The following NAA35 variants were observed in gnomAD, a reference collection of about 807,000 sequenced individuals.
The protein encoded by NAA35 is MAK10 homolog, amino-acid N-acetyltransferase subunit.
Under a neutral mutation model 101.7 loss-of-function variants are expected in NAA35, and 18 were observed. The observed-to-expected ratio is 0.18, with a 90% CI of 0.12 to 0.26. NAA35 has a LOEUF of 0.26. Ranked by LOEUF, NAA35 falls within the 10% of genes least tolerant of loss-of-function variation. The pLI, the probability that NAA35 is intolerant of heterozygous loss-of-function variation, is 1.00. For missense variants in NAA35, 601 were observed against 886.8 expected, an observed-to-expected ratio of 0.68 and a Z score of 4.09; for synonymous variants, 267 against 273.1, an observed-to-expected ratio of 0.98 and a Z score of 0.22.
intron 6 of NAA35, among the ~76,000 whole-genome samples, chr9:85,973,127 G>T (rs915554949): frequency 6.6e-6 from 1 of 152,146 alleles, no homozygotes; most frequent in Non-Finnish European, 1.5e-5. Flanking sequence ...TGTGGGAGCC[G>T]TGAGAGGAGA....
chr9:85,980,911 T>C (rs912770711), intron 11 of NAA35, among the ~76,000 whole-genome samples: 1 of 152,148 alleles, frequency 6.6e-6, no homozygotes, highest in Non-Finnish European at 1.5e-5. Flanking sequence ...TACCCAGTTG[T>C]CAGTCTTGTA....
intron 21 of NAA35, among the ~76,000 whole-genome samples, chr9:86,020,160 G>T (rs1832453354): frequency 6.6e-6 from 1 of 152,162 alleles, no homozygotes; most frequent in African/African-American, 2.4e-5. Context: ...AGAATTGGTA[G>T]TTTTGTTTCC....
intron 17 of NAA35, among the ~76,000 whole-genome samples, chr9:86,015,130 C>T (rs1356875249): frequency 1.3e-5 from 2 of 151,862 alleles, no homozygotes; most frequent in Non-Finnish European, 2.9e-5. Context: ...CTAATGGGAC[C>T]TTTGTTCTTG....
chr9:85,958,389 A>G, intron 3 of NAA35, 83 bp from the exon 4 acceptor site: 10 of 734,846 alleles, frequency 1.4e-5, no homozygotes, highest in Non-Finnish European at 4.5e-6. Flanking sequence ...TATTAAAAGT[A>G]GTATAATTTT....
chr9:86,016,195 G>A (rs1000714418), intron 17 of NAA35, among the ~76,000 whole-genome samples: 2 of 151,822 alleles, frequency 1.3e-5, no homozygotes, highest in African/African-American at 2.4e-5. Flanking sequence ...ATATAATGCC[G>A]ATAATTTTTT....
At chr9:86,001,976 T>G (rs1831434892) in intron 12 of NAA35, among the ~76,000 whole-genome samples, 1 of 152,182 alleles carries the variant, frequency 6.6e-6, no homozygotes, top group African/African-American at 2.4e-5. Flanking sequence ...TCTGTGTGTT[T>G]AAGTGTGTTT....
chr9:85,943,132 A>G (rs1307890192), intron 2 of NAA35, among the ~76,000 whole-genome samples: 1 of 152,200 alleles, frequency 6.6e-6, no homozygotes, highest in Non-Finnish European at 1.5e-5. Context: ...TTCAATAAAT[A>G]GGAGTAAATG....
At chr9:86,020,500 A>C (rs568624009) in intron 21 of NAA35, among the ~76,000 whole-genome samples, 23 of 152,178 alleles carry the variant, frequency 1.5e-4, no homozygotes, top group Non-Finnish European at 3.4e-4. Flanking sequence ...GCTTTTATTT[A>C]ATAAAACATC....
At chr9:85,953,204 C>T (rs961283904) in intron 2 of NAA35, among the ~76,000 whole-genome samples, 2 of 151,022 alleles carry the variant, frequency 1.3e-5, no homozygotes, top group African/African-American at 4.9e-5. Flanking sequence ...CAGAGTGAGA[C>T]CTGCCTCAAG....
intron 2 of NAA35, among the ~76,000 whole-genome samples, chr9:85,955,374 T>TC (rs2118326410): frequency 1.5e-5 from 2 of 131,524 alleles, no homozygotes; most frequent in Admixed American, 1.5e-4. Context: ...TTTTTTTTTT[T>TC]TTTCTTCAGA....
chr9:86,019,786 G>T (rs1440667875), intron 21 of NAA35, among the ~76,000 whole-genome samples: 3 of 152,210 alleles, frequency 2.0e-5, no homozygotes, highest in Non-Finnish European at 2.9e-5. Context: ...TTAATGCTTA[G>T]AGTCAGCAAT....
In NAA35 at chr9:85,972,303, C is replaced by T. The variant is rs181720550; in HGVS notation, c.517-2664C>T. On this transcript the variant is annotated intron_variant, in intron 6 of 22. Coordinates refer to ENST00000361671, the MANE Select transcript of NAA35 (RefSeq NM_024635.4). ...GGTGGATCACTTGAGCTTAGGAGTT[C>T]GAGACCAGCCTGGACAACATGGCGA... 2.0e-3 allele frequency among the ~76,000 whole-genome samples: 303 copies of T among 151,740 alleles called. 5 individuals are homozygous for T. In the South Asian group the frequency reaches 0.033, roughly 16 times the overall value.
chr9:85,955,963 T>C (rs1829257445), intron 2 of NAA35, among the ~76,000 whole-genome samples: 1 of 152,202 alleles, frequency 6.6e-6, no homozygotes, highest in Non-Finnish European at 1.5e-5. Context: ...ACACTGTTAC[T>C]GGAACAAAAG....
chr9:86,010,981 G>A (rs1388935253), intron 15 of NAA35, among the ~76,000 whole-genome samples: 2 of 151,462 alleles, frequency 1.3e-5, no homozygotes, highest in South Asian at 2.1e-4. Context: ...GGTGGCTCAC[G>A]CCTGTAATCC....
chr9:85,954,025 T>G (rs897390625), intron 2 of NAA35, among the ~76,000 whole-genome samples: 1 of 152,212 alleles, frequency 6.6e-6, no homozygotes, highest in Admixed American at 6.5e-5. Context: ...TTTTCAACTT[T>G]TCTGGGTATA....
At position 85,996,383 on chromosome 9, in the gene NAA35, AT is replaced by A; in HGVS notation, c.878-9del. 2 of 1,547,618 alleles carry A rather than the reference AT, an allele frequency of 1.3e-6. No homozygotes were observed. Among genetic ancestry groups the A allele is most frequent in the Non-Finnish European group, 1.7e-6 (2 of 1,154,188 alleles). On this transcript the variant is annotated splice_polypyrimidine_tract_variant and intron_variant, in intron 11 of 22. Coordinates refer to ENST00000361671, the MANE Select transcript of NAA35 (RefSeq NM_024635.4). ...AGAAAAGTTGAAAAATTTTACTTTC[AT>A]TTTTTTCTTTTTAGATCATCCAATT...
chr9:86,017,420 A>C, intron 18 of NAA35, 78 bp from the exon 19 acceptor site: 3 of 1,338,368 alleles, frequency 2.2e-6, no homozygotes, highest in Non-Finnish European at 3.1e-6. Flanking sequence ...ATTTTTTAAA[A>C]TTAGATTTTC....
Position 86,013,119 on chromosome 9 carries a change from A to G in NAA35, c.1364A>G (p.Glu455Gly), listed in dbSNP as rs1832028889. ...AGAGATAAGCTTGGTCATATTCTTG[A>G]GGAATTTGCCACCTTGCAGGATGAG... Reference protein sequence around the residue: ...RQRDKLGHILEEFATLQDEAE... With the variant: ...RQRDKLGHILGEFATLQDEAE... The change falls in exon 16 of 23, where the codon GAG (glutamate) becomes GGG (glycine). Residue 455 changes from glutamate to glycine, a missense_variant. Coordinates refer to ENST00000361671, the MANE Select transcript of NAA35 (RefSeq NM_024635.4). 1.3e-6 allele frequency: 2 copies of G among 1,593,822 alleles called. No homozygotes were observed. The highest frequency in any genetic ancestry group is 1.1e-5 in the South Asian group (1 of 88,060).
intron 12 of NAA35, among the ~76,000 whole-genome samples, chr9:85,997,248 T>C (rs915939666): frequency 6.6e-6 from 1 of 151,688 alleles, no homozygotes; most frequent in Non-Finnish European, 1.5e-5. Context: ...AGGTGTGAGC[T>C]ACTGCGCTCT....
Sources: gnomAD v4.1 joint callset for allele counts (sites outside exome capture counted in the v4.1 genomes callset) on GRCh38, gnomAD v4.1.1 for gene constraint, MANE v1.5 for transcripts, NCBI Gene and HGNC (gene_info 2026-07-23, HGNC 2026-07-21) for gene names.